Variants in SLC12A2 observed in about 807,000 individuals in gnomAD.
SLC12A2 encodes Na-K-2Cl cotransporter 1.
SLC12A2 carries 67 observed loss-of-function variants against 136.3 expected under a neutral mutation model. That is an observed-to-expected ratio of 0.49 (90% CI 0.40 to 0.60). SLC12A2 has a LOEUF of 0.60. Ranked by LOEUF, SLC12A2 falls within the 20% of genes least tolerant of loss-of-function variation. The pLI is 0.00. For synonymous variants in SLC12A2, 619 were observed against 562.9 expected (o/e 1.10, Z -1.41); for missense variants, 1,322 against 1,534.7 (o/e 0.86, Z 2.32).
chr5:128,121,708 C>T (rs962076141), intron 4 of SLC12A2, among the ~76,000 whole-genome samples: 4 of 152,112 alleles, frequency 2.6e-5, no homozygotes, highest in African/African-American at 4.8e-5. Context: ...ATAGCAGTGC[C>T]AAGGAACTGA....
intron 1 of SLC12A2, among the ~76,000 whole-genome samples, chr5:128,102,140 TCTTA>T (rs1309489626): frequency 2.6e-5 from 4 of 152,186 alleles, no homozygotes; most frequent in Admixed American, 6.5e-5. Flanking sequence ...TTTATTGAGC[TCTTA>T]CTTTATTAAT....
At chr5:128,138,513 C>T in intron 7 of SLC12A2, 84 bp from the exon 8 acceptor site, 1 of 1,235,980 alleles carries the variant, frequency 8.1e-7, no homozygotes, top group Non-Finnish European at 1.1e-6. Flanking sequence ...AGTTAGGGGT[C>T]ATGTATACCT....
intron 15 of SLC12A2, among the ~76,000 whole-genome samples, chr5:128,153,474 G>C (rs554419024): frequency 6.6e-6 from 1 of 152,248 alleles, no homozygotes; most frequent in Admixed American, 6.5e-5. Flanking sequence ...AGAATGGCTC[G>C]AACCCAGGAG....
chr5:128,178,549 T>A lies in SLC12A2; in HGVS notation c.2978-18T>A, dbSNP rs760160190. 6.6e-7 allele frequency: 1 copy of A among 1,526,428 alleles called. No homozygotes were observed. The highest frequency in any genetic ancestry group is 1.3e-5 in the South Asian group (1 of 77,238). 94.6% of individuals were successfully genotyped at this position (1,526,428 alleles called of 1,614,324 possible). ...ATATTTACTTTGCTTACATTTTATA[T>A]TTTGCTTAATCCTTTAGAATCCAAA... On this transcript the variant is annotated intron_variant, in intron 21 of 26. Transcript: ENST00000262461.
chr5:128,140,897 A>G lies in SLC12A2; in HGVS notation c.1622-933A>G, dbSNP rs139896451. 6.3e-4 allele frequency among the ~76,000 whole-genome samples: 96 copies of G among 151,308 alleles called. 1 individual carries two copies. The highest frequency in any genetic ancestry group is 1.2e-3 in the Non-Finnish European group (85 of 68,024). On this transcript the variant is annotated intron_variant, in intron 9 of 26. Coordinates refer to ENST00000262461, the MANE Select transcript of SLC12A2 (RefSeq NM_001046.3). ...AAAAAATTGAAAAACAAAGAACTGT[A>G]TAGTCTGCCTAGTCATTAAAATATC...
At chr5:128,114,917 A>C (rs1302078390) in intron 4 of SLC12A2, among the ~76,000 whole-genome samples, 1 of 152,142 alleles carries the variant, frequency 6.6e-6, no homozygotes, top group Non-Finnish European at 1.5e-5. Flanking sequence ...TGGAGCATCT[A>C]CTTTGGTCTC....
chr5:128,156,166 G>A (rs1357271224), intron 15 of SLC12A2, among the ~76,000 whole-genome samples: 2 of 152,044 alleles, frequency 1.3e-5, no homozygotes, highest in African/African-American at 2.4e-5. Flanking sequence ...ACTTCCAGAG[G>A]GACCTACTGT....
At position 128,184,787 on chromosome 5, in the gene SLC12A2, A is replaced by G; in HGVS notation, c.3436-2A>G. The G allele has an allele frequency of 1.2e-6, 2 of 1,611,096 alleles. No individual in the cohort carries two copies. The highest frequency in any genetic ancestry group is 1.7e-6 in the Non-Finnish European group (2 of 1,177,530). On this transcript the variant is annotated splice_acceptor_variant, in intron 25 of 26. Transcript: ENST00000262461. LOFTEE classifies it high-confidence loss of function. The stretch of plus-strand genomic sequence containing the variant: ...AGGAATGACTGTCCTGTTTCATTTC[A>G]GACATACCGGCAGATCAGGTTAAAT...
At chr5:128,131,038 G>T (rs777633700) in intron 4 of SLC12A2, 29 bp from the exon 5 acceptor site, 2 of 1,604,952 alleles carry the variant, frequency 1.2e-6, no homozygotes, top group Non-Finnish European at 1.7e-6. Flanking sequence ...TTTAGTACCT[G>T]TTTTTTTTGT....
chr5:128,184,828 C>A lies in SLC12A2; in HGVS notation c.3475C>A (p.His1159Asn). 6.2e-7 allele frequency: 1 copy of A among 1,605,254 alleles called. No individual in the cohort carries two copies. Among genetic ancestry groups the A allele is most frequent in the Non-Finnish European group, 8.5e-7 (1 of 1,172,288 alleles). The change falls in exon 26 of 27, where the codon CAT becomes AAT. Residue 1159 changes from histidine (H) to asparagine (N), a missense_variant. Around this residue, in one of 8 missense-constraint regions of SLC12A2, gnomAD observed 172 missense variants for 227.4 expected, o/e 0.76. Coordinates refer to ENST00000262461, the MANE Select transcript of SLC12A2 (RefSeq NM_001046.3). ...CAGGTTAAATGAGTTATTAAAGGAA[C>A]ATTCAAGCACAGCTAATATTATTGT... is the stretch of plus-strand genomic sequence containing the variant. ...QIRLNELLKE[H>N]SSTANIIVMS...
chr5:128,119,551 T>C (rs142143549), intron 4 of SLC12A2, among the ~76,000 whole-genome samples: 3,276 of 152,310 alleles, frequency 0.022, 143 homozygotes, highest in African/African-American at 0.075. Context: ...GCATTATTTC[T>C]GAGGGCTCTG....
At chr5:128,127,961 T>G (rs1316325049) in intron 4 of SLC12A2, among the ~76,000 whole-genome samples, 16 of 152,112 alleles carry the variant, frequency 1.1e-4, no homozygotes, top group Admixed American at 1.0e-3. Context: ...ATATCCTCAT[T>G]TTTTAGTATA....
chr5:128,103,823 A>G (rs971589617), intron 1 of SLC12A2, among the ~76,000 whole-genome samples: 1 of 152,224 alleles, frequency 6.6e-6, no homozygotes, highest in South Asian at 2.1e-4. Flanking sequence ...ATCAAATTAA[A>G]CATTTTAGTT....
intron 19 of SLC12A2, among the ~76,000 whole-genome samples, chr5:128,173,441 T>G (rs2126748741): frequency 6.6e-6 from 1 of 152,362 alleles, no homozygotes; most frequent in East Asian, 1.9e-4. Flanking sequence ...ATTGAAACTT[T>G]TAAAAAGTAT....
chr5:128,185,466 C>CA (rs1323060349), intron 26 of SLC12A2, among the ~76,000 whole-genome samples: 1 of 151,600 alleles, frequency 6.6e-6, no homozygotes. Flanking sequence ...CTCTCCCCCA[C>CA]AAAAAAAGCC....
chr5:128,094,502 A>C (rs13153622), intron 1 of SLC12A2, among the ~76,000 whole-genome samples: 2 of 152,100 alleles, frequency 1.3e-5, no homozygotes, highest in East Asian at 3.9e-4. Context: ...ATTCATTTCA[A>C]TATCCTACAG....
intron 4 of SLC12A2, 134 bp from the exon 5 acceptor site, chr5:128,130,933 A>ACT: frequency 1.4e-6 from 1 of 709,222 alleles, no homozygotes; most frequent in Admixed American, 2.7e-5. Flanking sequence ...AAATACAGTC[A>ACT]CTCACTTGCC....
intron 26 of SLC12A2, 92 bp downstream of exon 26, chr5:128,184,948 C>A: frequency 9.1e-7 from 1 of 1,096,922 alleles, no homozygotes; most frequent in Non-Finnish European, 1.4e-6. Context: ...ATATAACACC[C>A]ATATTGACTT....
At chr5:128,088,564 T>A (rs1184724804) in intron 1 of SLC12A2, among the ~76,000 whole-genome samples, 1 of 149,218 alleles carries the variant, frequency 6.7e-6, no homozygotes, top group Non-Finnish European at 1.5e-5. Flanking sequence ...TTGTTTGTTT[T>A]TTGTGTGTGT....
Sources: gnomAD v4.1 joint callset for allele counts (sites outside exome capture counted in the v4.1 genomes callset) on GRCh38, gnomAD v4.1.1 for gene constraint, gnomAD v4.1.1 regional missense constraint, MANE v1.5 for transcripts, NCBI Gene and HGNC (gene_info 2026-07-23, HGNC 2026-07-21) for gene names.